Variants in HACD1 observed in about 807,000 individuals in gnomAD.
HACD1 encodes 3-hydroxyacyl-CoA dehydratase 1.
In HACD1, 41 loss-of-function variants were observed where a neutral mutation model predicts 32.0. That is an observed-to-expected ratio of 1.28 (90% CI 1.00 to 1.66). The LOEUF is 1.66. Among genes scored for constraint, HACD1 ranks in the 40% most tolerant of loss-of-function variants. HACD1 has a pLI of 0.00. For synonymous variants in HACD1, 142 were observed against 139.0 expected, an observed-to-expected ratio of 1.02 and a Z score of -0.15; for missense variants, 396 against 380.1, an observed-to-expected ratio of 1.04 and a Z score of -0.35.
intron 1 of HACD1, among the ~76,000 whole-genome samples, chr10:17,607,322 G>A (rs1834162148): frequency 6.6e-6 from 1 of 152,062 alleles, no homozygotes; most frequent in South Asian, 2.1e-4. Flanking sequence ...TACAACTGAT[G>A]GATCCATCTC....
chr10:17,601,492 T>C (rs1163903114), intron 4 of HACD1, among the ~76,000 whole-genome samples: 1 of 152,236 alleles, frequency 6.6e-6, no homozygotes, highest in Non-Finnish European at 1.5e-5. Flanking sequence ...AGAGATCCTC[T>C]GGAGGATAAA....
At chr10:17,594,720 G>A (rs1833972438) in intron 5 of HACD1, among the ~76,000 whole-genome samples, 1 of 152,090 alleles carries the variant, frequency 6.6e-6, no homozygotes. Flanking sequence ...TCACCAGGCT[G>A]GAGTGCAGCG....
intron 1 of HACD1, among the ~76,000 whole-genome samples, chr10:17,607,508 C>A (rs781944064): frequency 3.3e-5 from 5 of 152,202 alleles, no homozygotes; most frequent in African/African-American, 4.8e-5. Flanking sequence ...ATTTTCCATA[C>A]ACTTGTCTTT....
chr10:17,610,359 C>T (rs1834215438), intron 1 of HACD1, among the ~76,000 whole-genome samples: 2 of 152,024 alleles, frequency 1.3e-5, no homozygotes, highest in Admixed American at 6.6e-5. Flanking sequence ...GCAAGAAGTG[C>T]AATTTTAGGC....
intron 1 of HACD1, among the ~76,000 whole-genome samples, chr10:17,616,407 C>T (rs1231410303): frequency 1.3e-5 from 2 of 152,028 alleles, no homozygotes; most frequent in Non-Finnish European, 2.9e-5. Context: ...AAGCATTTTC[C>T]CAACAGGTTT....
chr10:17,603,871 A>G (rs541214463), intron 2 of HACD1, 59 bp downstream of exon 2: 1 of 1,506,144 alleles, frequency 6.6e-7, no homozygotes, highest in African/African-American at 1.4e-5. Flanking sequence ...ATTTTGCACA[A>G]CAAAAAATGT....
intron 1 of HACD1, among the ~76,000 whole-genome samples, chr10:17,606,490 G>C (rs1834150848): frequency 6.6e-6 from 1 of 152,196 alleles, no homozygotes; most frequent in African/African-American, 2.4e-5. Context: ...TAGTCTTTTA[G>C]ATAGTCTCCA....
At chr10:17,609,899 G>C (rs1834205924) in intron 1 of HACD1, among the ~76,000 whole-genome samples, 1 of 149,346 alleles carries the variant, frequency 6.7e-6, no homozygotes, top group South Asian at 2.1e-4. Flanking sequence ...CAGGAGAATC[G>C]TTTGAATCCG....
chr10:17,617,095 G>C lies in HACD1; in HGVS notation c.245C>G (p.Ala82Gly). Residue 82 changes from alanine (A) to glycine (G), a missense_variant, in exon 1 of 7, where the codon GCC becomes GGC. Transcript: ENST00000361271. Reference protein sequence around the residue: ...ATAWLTFYDIAMTAGWLVLAI... With the variant: ...ATAWLTFYDIGMTAGWLVLAI... ...GCGGCGCGCGTACCCCGCGGTCATG[G>C]CGATGTCGTAGAAGGTGAGCCAGGC... 6.7e-7 allele frequency: 1 copy of C among 1,494,918 alleles called. No homozygotes were observed. The highest frequency in any genetic ancestry group is 2.2e-5 in the Admixed American group (1 of 45,128). The allele number at this position is 1,494,918 out of a possible 1,614,324, so 92.6% of individuals were successfully genotyped here.
intron 4 of HACD1, among the ~76,000 whole-genome samples, chr10:17,601,745 T>C (rs1171952774): frequency 1.3e-5 from 2 of 152,170 alleles, no homozygotes; most frequent in Non-Finnish European, 2.9e-5. Flanking sequence ...GCCTCTCCCA[T>C]TGCATGTGCT....
chr10:17,604,659 A>T (rs1309239182), intron 1 of HACD1, among the ~76,000 whole-genome samples: 4 of 152,080 alleles, frequency 2.6e-5, no homozygotes, highest in Non-Finnish European at 5.9e-5. Context: ...TCTTTAAAAA[A>T]TTTCTTTTTT....
chr10:17,606,356 A>G (rs1834149015), intron 1 of HACD1, among the ~76,000 whole-genome samples: 1 of 152,144 alleles, frequency 6.6e-6, no homozygotes, highest in Non-Finnish European at 1.5e-5. Flanking sequence ...AGTCACCAAT[A>G]AGAAGTTTAT....
chr10:17,592,763 ACCAATAGAGTAGGCATCCC>A (rs1363456811), intron 6 of HACD1, among the ~76,000 whole-genome samples: 1 of 152,208 alleles, frequency 6.6e-6, no homozygotes, highest in Non-Finnish European at 1.5e-5. Context: ...AGGGATGTGA[ACCAATAGAGTAGGCATCCC>A]CTCCTTAGCT....
chr10:17,611,835 G>C (rs1435577854), intron 1 of HACD1, among the ~76,000 whole-genome samples: 2 of 151,872 alleles, frequency 1.3e-5, no homozygotes, highest in South Asian at 2.1e-4. Flanking sequence ...GGCGTGGTGG[G>C]GGGTGCCTGT....
intron 1 of HACD1, among the ~76,000 whole-genome samples, chr10:17,609,404 C>T (rs1834198627): frequency 6.6e-6 from 1 of 152,006 alleles, no homozygotes; most frequent in Non-Finnish European, 1.5e-5. Context: ...CCACTCGCCT[C>T]GCCCTCCTAA....
At chr10:17,594,406 G>A (rs1554815841) in intron 5 of HACD1, 23 bp from the exon 6 acceptor site, 3 of 1,426,328 alleles carry the variant, frequency 2.1e-6, no homozygotes, top group Non-Finnish European at 2.8e-6. Context: ...AAACCTCAGA[G>A]AATTATTTTT....
chr10:17,601,790 G>C (rs1213716114), intron 4 of HACD1, among the ~76,000 whole-genome samples: 1 of 152,144 alleles, frequency 6.6e-6, no homozygotes, highest in African/African-American at 2.4e-5. Context: ...GGCAGTCGCT[G>C]TTTAGGGTGC....
At chr10:17,616,094 C>T (rs967817917) in intron 1 of HACD1, 9 of 159,342 alleles carry the variant, frequency 5.6e-5, no homozygotes, top group African/African-American at 1.4e-4. Context: ...TGGTGAAACC[C>T]CGTCTCTACT....
chr10:17,612,001 G>T (rs1308781652), intron 1 of HACD1, among the ~76,000 whole-genome samples: 18 of 150,836 alleles, frequency 1.2e-4, no homozygotes, highest in African/African-American at 4.4e-4. Context: ...TGCCAGGCAT[G>T]GTAGCACTCA....
Sources: allele counts gnomAD v4.1 joint callset (sites outside exome capture counted in the v4.1 genomes callset), GRCh38; gene constraint gnomAD v4.1.1; transcripts MANE v1.5; gene names NCBI Gene and HGNC (gene_info 2026-07-23, HGNC 2026-07-21).